PCSK5: variants seen among roughly 807,000 people sequenced by gnomAD.
PCSK5 encodes the protein prohormone convertase 5.
In PCSK5, 129 loss-of-function variants were observed where a neutral mutation model predicts 233.2. The observed-to-expected ratio is 0.55, with a 90% CI of 0.48 to 0.64. The LOEUF (loss-of-function observed/expected upper bound fraction) is 0.64, where lower values mean the gene tolerates loss of function less well. Ranked by LOEUF, PCSK5 falls within the 30% of genes least tolerant of loss-of-function variation. The pLI, the probability that PCSK5 is intolerant of heterozygous loss-of-function variation, is 0.00. For synonymous variants in PCSK5, 825 were observed against 879.2 expected (o/e 0.94, Z 1.09); for missense variants, 2,076 against 2,430.1 (o/e 0.85, Z 3.06).
chr9:76,338,725 C>G (rs1829751691), intron 35 of PCSK5, among the ~76,000 whole-genome samples: 1 of 152,172 alleles, frequency 6.6e-6, no homozygotes, highest in Admixed American at 6.5e-5. Flanking sequence ...TTTTCCTACT[C>G]TACCTGATGA....
chr9:76,043,248 A>G (rs556461838), intron 5 of PCSK5, among the ~76,000 whole-genome samples: 139 of 146,220 alleles, frequency 9.5e-4, no homozygotes, highest in Non-Finnish European at 1.9e-3. Context: ...AGGCAGGAGA[A>G]TGGCGTGTAC....
chr9:76,290,461 CCTCCCA>C (rs1487016486), intron 24 of PCSK5, among the ~76,000 whole-genome samples: 2 of 152,188 alleles, frequency 1.3e-5, no homozygotes, highest in African/African-American at 4.8e-5. Context: ...AAACCATTTC[CCTCCCA>C]TGAGCAGATA....
At chr9:76,320,465 C>CT (rs140154837) in intron 30 of PCSK5, among the ~76,000 whole-genome samples, 9,166 of 101,722 alleles carry the variant, frequency 0.09, 797 homozygotes, top group Non-Finnish European at 0.11. Flanking sequence ...TACATTGTAG[C>CT]TTTTTTTTTT....
chr9:76,224,330 A>C (rs1825815746), intron 20 of PCSK5, among the ~76,000 whole-genome samples: 1 of 152,204 alleles, frequency 6.6e-6, no homozygotes, highest in South Asian at 2.1e-4. Flanking sequence ...GGGAATTGAC[A>C]ATAGCCAGGA....
At chr9:75,893,337 G>T (rs895554378) in intron 1 of PCSK5, among the ~76,000 whole-genome samples, 2 of 152,106 alleles carry the variant, frequency 1.3e-5, no homozygotes, top group African/African-American at 4.8e-5. Flanking sequence ...GACTGTTGCA[G>T]GCCCAGTCCC....
intron 3 of PCSK5, 82 bp downstream of exon 3, chr9:75,986,327 G>A: frequency 1.2e-6 from 1 of 824,046 alleles, no homozygotes; most frequent in East Asian, 2.4e-5. Context: ...GTCTTGGGAG[G>A]ACACAGAAAT....
chr9:76,045,503 T>G (rs1300239944), intron 5 of PCSK5, among the ~76,000 whole-genome samples: 1 of 152,196 alleles, frequency 6.6e-6, no homozygotes, highest in Non-Finnish European at 1.5e-5. Context: ...TTCAGAATTC[T>G]TCGATTTTAA....
intron 37 of PCSK5, among the ~76,000 whole-genome samples, chr9:76,354,629 T>C (rs1006213668): frequency 6.6e-6 from 1 of 151,962 alleles, no homozygotes; most frequent in Non-Finnish European, 1.5e-5. Flanking sequence ...AATAAAAAAT[T>C]AGCTGGGCGT....
At chr9:75,908,929 A>ATCTC (rs796708467) in intron 1 of PCSK5, among the ~76,000 whole-genome samples, 2,187 of 101,640 alleles carry the variant, frequency 0.022, 30 homozygotes, top group Middle Eastern at 0.028. Context: ...CTATCTCTCT[A>ATCTC]TCTCTCTCTC....
At chr9:76,015,330 C>T (rs1261418640) in intron 3 of PCSK5, among the ~76,000 whole-genome samples, 1 of 152,218 alleles carries the variant, frequency 6.6e-6, no homozygotes, top group Non-Finnish European at 1.5e-5. Flanking sequence ...TATCCAAACG[C>T]TAATCCCTTC....
intron 16 of PCSK5, among the ~76,000 whole-genome samples, chr9:76,182,732 A>T (rs1823928263): frequency 6.6e-6 from 1 of 152,110 alleles, no homozygotes; most frequent in South Asian, 2.1e-4. Context: ...CTTTTCCTTT[A>T]TTTCTGAGTT....
intron 2 of PCSK5, among the ~76,000 whole-genome samples, chr9:75,953,536 C>T (rs1192666174): frequency 6.6e-6 from 1 of 152,102 alleles, no homozygotes; most frequent in Non-Finnish European, 1.5e-5. Flanking sequence ...TGAGAACCTG[C>T]TGCCACGTGC....
chr9:76,298,821 G>T (rs1338275550), intron 27 of PCSK5, among the ~76,000 whole-genome samples: 2 of 152,124 alleles, frequency 1.3e-5, no homozygotes, highest in Admixed American at 6.5e-5. Flanking sequence ...CTGCCTAGGT[G>T]GTACCAGAAC....
chr9:76,345,519 C>T (rs1002551541), intron 35 of PCSK5, among the ~76,000 whole-genome samples: 7 of 151,664 alleles, frequency 4.6e-5, no homozygotes, highest in African/African-American at 1.5e-4. Context: ...CCCGGGTTCA[C>T]GCTATTCTCC....
At chr9:76,023,974 T>C in intron 4 of PCSK5, 93 bp downstream of exon 4, 1 of 1,115,914 alleles carries the variant, frequency 9.0e-7, no homozygotes, top group East Asian at 2.4e-5. Flanking sequence ...TACTGAAAAA[T>C]GTAGCAACGT....
At chr9:76,041,100 T>C (rs1563989051) in intron 5 of PCSK5, among the ~76,000 whole-genome samples, 2 of 152,146 alleles carry the variant, frequency 1.3e-5, no homozygotes, top group Admixed American at 1.3e-4. Context: ...AGCTCTCTCT[T>C]CCTCAAACAA....
chr9:76,081,782 C>T (rs1052975987), intron 7 of PCSK5, among the ~76,000 whole-genome samples: 2 of 152,052 alleles, frequency 1.3e-5, no homozygotes, highest in Non-Finnish European at 2.9e-5. Context: ...TCCCATTCAC[C>T]CAGTCTCCCT....
At chr9:76,001,242 T>C (rs1827247693) in intron 3 of PCSK5, among the ~76,000 whole-genome samples, 1 of 152,160 alleles carries the variant, frequency 6.6e-6, no homozygotes, top group Non-Finnish European at 1.5e-5. Flanking sequence ...TAGCTGCCAA[T>C]AATTTAAATT....
intron 9 of PCSK5, among the ~76,000 whole-genome samples, chr9:76,112,629 GTATA>G (rs1832269788): frequency 6.6e-6 from 1 of 151,920 alleles, no homozygotes; most frequent in Non-Finnish European, 1.5e-5. Context: ...TTATTTATGA[GTATA>G]TAACAAATAT....
Sources: gnomAD v4.1 joint callset for allele counts (sites outside exome capture counted in the v4.1 genomes callset) on GRCh38, gnomAD v4.1.1 for gene constraint, MANE v1.5 for transcripts, NCBI Gene and HGNC (gene_info 2026-07-23, HGNC 2026-07-21) for gene names.